The following ELMOD3 variants were observed in gnomAD, a reference collection of about 807,000 sequenced individuals.
ELMOD3 encodes the protein ELMO domain-containing protein 3.
ELMOD3 carries 36 observed loss-of-function variants against 47.4 expected under a neutral mutation model. The ratio of observed to expected loss-of-function variants is 0.76; its 90% confidence interval spans 0.58 to 1.00. The LOEUF is 1.00. Ranked by LOEUF, ELMOD3 falls within the 50% of genes least tolerant of loss-of-function variation. The pLI is 0.00. For missense variants in ELMOD3, 404 were observed against 463.8 expected (o/e 0.87, Z 1.18); for synonymous variants, 149 against 183.5 (o/e 0.81, Z 1.52).
chr2:85,373,127 C>T (rs1429004117), intron 10 of ELMOD3, among the ~76,000 whole-genome samples: 1 of 149,692 alleles, frequency 6.7e-6, no homozygotes, highest in Non-Finnish European at 1.5e-5. Context: ...TGGGGGTGTG[C>T]ACCTGTAATC....
intron 8 of ELMOD3, among the ~76,000 whole-genome samples, chr2:85,370,348 T>C (rs1457210254): frequency 6.6e-6 from 1 of 151,638 alleles, no homozygotes; most frequent in Non-Finnish European, 1.5e-5. Flanking sequence ...GAGGGGTCAC[T>C]TGAACCCAGG....
At chr2:85,368,643 A>G in intron 6 of ELMOD3, 43 bp from the exon 7 acceptor site, 2 of 1,607,094 alleles carry the variant, frequency 1.2e-6, no homozygotes, top group Non-Finnish European at 1.7e-6. Context: ...AGGCCCAGAC[A>G]TACCTAGATC....
chr2:85,356,038 G>A (rs1683527727), intron 3 of ELMOD3: 1 of 152,248 alleles, frequency 6.6e-6, no homozygotes, highest in African/African-American at 2.4e-5. Context: ...TGTCAGTTGT[G>A]TGTGGGCCAT....
At chr2:85,382,161 T>C (rs113233216) in intron 11 of ELMOD3, among the ~76,000 whole-genome samples, 31,189 of 135,918 alleles carry the variant, frequency 0.23, 3,782 homozygotes, top group African/African-American at 0.29. Context: ...GACATAGGGC[T>C]GGGTGCAGCG....
intron 11 of ELMOD3, 34 bp from the exon 12 acceptor site, chr2:85,389,717 G>A: frequency 6.3e-7 from 1 of 1,593,858 alleles, no homozygotes; most frequent in Non-Finnish European, 8.6e-7. Context: ...GTGAGAGCTG[G>A]AGTTGCTGCT....
At chr2:85,368,870 G>T in intron 7 of ELMOD3, 116 bp downstream of exon 7, 1 of 1,052,208 alleles carries the variant, frequency 9.5e-7, no homozygotes, top group Non-Finnish European at 1.4e-6. Flanking sequence ...TCCTGAGAGT[G>T]CTCATTTTAA....
At chr2:85,367,998 G>A (rs376262496) in intron 6 of ELMOD3, among the ~76,000 whole-genome samples, 83 of 151,632 alleles carry the variant, frequency 5.5e-4, no homozygotes, top group East Asian at 2.3e-3. Flanking sequence ...CTGCAACTCC[G>A]CCTCCCGCGT....
rs148992019 is a variant in ELMOD3 at position 85,375,136 on chromosome 2, T to G, written c.608-2208T>G. Among the ~76,000 whole-genome samples the G allele has an allele frequency of 1.5e-3, 228 of 152,314 alleles. 5 individuals carry two copies. The East Asian group carries it at 0.038, about 25-fold the overall frequency. On this transcript the variant is annotated intron_variant, in intron 10 of 13. Coordinates refer to ENST00000409013, the MANE Select transcript of ELMOD3 (RefSeq NM_001135022.2). ...TTGGTTTTCAGGAATTTGACTGTGA[T>G]GTGTCATTGTGTGGATTTATTTGGG...
chr2:85,371,348 G>T, intron 9 of ELMOD3, 92 bp from the exon 10 acceptor site: 2 of 1,593,842 alleles, frequency 1.3e-6, no homozygotes, highest in Non-Finnish European at 1.7e-6. Context: ...AGAACTGGAT[G>T]TCTCACAGTC....
At chr2:85,381,611 T>C (rs1573138195) in intron 11 of ELMOD3, among the ~76,000 whole-genome samples, 2 of 152,218 alleles carry the variant, frequency 1.3e-5, no homozygotes, top group South Asian at 4.1e-4. Flanking sequence ...CAGTGTGCCT[T>C]TGACATTCAT....
In ELMOD3 at chr2:85,362,212, T is replaced by C. The variant is rs762697604; in HGVS notation, c.81T>C (p.Ser27=). Residue 27 remains serine (S), a synonymous_variant, in exon 5 of 14, where the codon TCT becomes TCC. Transcript: ENST00000409013. ...GTGAAAGATTGTCTGCTGGATATTCTCCATCATATGACAAGGACAAGAGTG... is the reference window on the plus strand; with the variant it reads ...GTGAAAGATTGTCTGCTGGATATTCCCCATCATATGACAAGGACAAGAGTG... The part of the protein sequence containing the change: ...GQGERLSAGY[S]PSYDKDKSVL... The C allele has an allele frequency of 6.2e-6, 10 of 1,606,352 alleles. No individual in the cohort carries two copies. In the East Asian group the frequency reaches 1.1e-4, roughly 18 times the overall value.
chr2:85,357,326 A>G (rs1203343735), intron 4 of ELMOD3, 74 bp downstream of exon 4: 1 of 1,010,490 alleles, frequency 9.9e-7, no homozygotes, highest in African/African-American at 1.7e-5. Flanking sequence ...AGAATATATT[A>G]AGAGAATATT....
intron 6 of ELMOD3, among the ~76,000 whole-genome samples, chr2:85,364,136 C>T (rs1684177562): frequency 7.8e-6 from 1 of 127,704 alleles, no homozygotes; most frequent in South Asian, 3.2e-4. Context: ...TAAAAAAATA[C>T]TCTTTTTTTT....
intron 11 of ELMOD3, among the ~76,000 whole-genome samples, chr2:85,385,529 A>G (rs1202769816): frequency 6.6e-6 from 1 of 152,250 alleles, no homozygotes; most frequent in Non-Finnish European, 1.5e-5. Flanking sequence ...TAATGTCATC[A>G]GCTAAGGCAG....
chr2:85,390,039 G>A, intron 12 of ELMOD3, 99 bp from the exon 13 acceptor site: 1 of 1,308,678 alleles, frequency 7.6e-7, no homozygotes, highest in East Asian at 2.3e-5. Flanking sequence ...CCTGGGTTTG[G>A]GCTGGCTCCC....
intron 7 of ELMOD3, 80 bp from the exon 8 acceptor site, chr2:85,369,659 G>T: frequency 1.4e-6 from 2 of 1,473,062 alleles, no homozygotes; most frequent in South Asian, 2.5e-5. Context: ...GCTTGGAAGT[G>T]ACAAGTAGGA....
intron 11 of ELMOD3, among the ~76,000 whole-genome samples, chr2:85,377,908 A>G (rs1685283501): frequency 6.6e-6 from 1 of 152,222 alleles, no homozygotes; most frequent in South Asian, 2.1e-4. Flanking sequence ...ATTGGCTGGA[A>G]TGGGACTTCA....
At chr2:85,361,401 T>G (rs1683946187) in intron 4 of ELMOD3, among the ~76,000 whole-genome samples, 1 of 152,206 alleles carries the variant, frequency 6.6e-6, no homozygotes, top group Admixed American at 6.5e-5. Flanking sequence ...GAAGTTTTCC[T>G]TTACAGTATT....
chr2:85,363,907 C>T (rs1684159389), intron 6 of ELMOD3, among the ~76,000 whole-genome samples: 1 of 152,104 alleles, frequency 6.6e-6, no homozygotes, highest in South Asian at 2.1e-4. Flanking sequence ...AATTATGGGA[C>T]TTACAAGATG....
Sources: allele counts gnomAD v4.1 joint callset (sites outside exome capture counted in the v4.1 genomes callset), GRCh38; gene constraint gnomAD v4.1.1; transcripts MANE v1.5; gene names NCBI Gene and HGNC (gene_info 2026-07-23, HGNC 2026-07-21).